DYTN: variants seen among roughly 807,000 people sequenced by gnomAD.
DYTN encodes dystrotelin.
DYTN carries 75 observed loss-of-function variants against 69.6 expected under a neutral mutation model. That is an observed-to-expected ratio of 1.08 (90% CI 0.89 to 1.31). The LOEUF (loss-of-function observed/expected upper bound fraction) is 1.31. DYTN is among the 50% of genes most tolerant of loss of function. The pLI is 0.00. For missense variants in DYTN, 726 were observed against 688.4 expected, an observed-to-expected ratio of 1.05 and a Z score of -0.61; for synonymous variants, 252 against 249.1, an observed-to-expected ratio of 1.01 and a Z score of -0.11.
At chr2:206,701,862 A>G (rs1699980806) in intron 5 of DYTN, among the ~76,000 whole-genome samples, 1 of 152,210 alleles carries the variant, frequency 6.6e-6, no homozygotes, top group Admixed American at 6.5e-5. Flanking sequence ...ATCTTTATGC[A>G]GTGTATATCT....
chr2:206,669,471 C>T (rs1346695971), intron 9 of DYTN, among the ~76,000 whole-genome samples: 1 of 152,070 alleles, frequency 6.6e-6, no homozygotes, highest in Non-Finnish European at 1.5e-5. Context: ...AAAGATGGAG[C>T]TTCATGTTTT....
intron 5 of DYTN, among the ~76,000 whole-genome samples, chr2:206,702,115 C>T (rs1200837761): frequency 2.0e-5 from 3 of 152,354 alleles, no homozygotes; most frequent in Admixed American, 6.5e-5. Flanking sequence ...TGCCACCACA[C>T]TCAGTGGTTT....
At chr2:206,677,862 C>T (rs1283309081) in intron 9 of DYTN, among the ~76,000 whole-genome samples, 1 of 151,998 alleles carries the variant, frequency 6.6e-6, no homozygotes, top group Non-Finnish European at 1.5e-5. Flanking sequence ...GTGATGCGGG[C>T]ACCTGGAATC....
chr2:206,685,335 A>T (rs1476563134), intron 9 of DYTN, among the ~76,000 whole-genome samples: 1 of 151,046 alleles, frequency 6.6e-6, no homozygotes, highest in African/African-American at 2.4e-5. Context: ...ATAATTTTTA[A>T]TTTTTTCTGT....
chr2:206,662,965 T>C lies in DYTN; in HGVS notation c.1571A>G (p.Glu524Gly). 6.2e-7 allele frequency: 1 copy of C among 1,613,860 alleles called. No individual in the cohort carries two copies. Among genetic ancestry groups the C allele is most frequent in the Non-Finnish European group, 8.5e-7 (1 of 1,179,860 alleles). The change falls in exon 11 of 12, where the codon GAA becomes GGA. Residue 524 changes from glutamate (E) to glycine (G), a missense_variant. By Grantham distance (98) the Glu-to-Gly change is moderately conservative. Coordinates refer to ENST00000452335, the MANE Select transcript of DYTN (RefSeq NM_001093730.1). ...TGACAATAGTTCTTGCAGTTCCTCT[T>C]CCTCCAGCTCATCCTTTCTCTCCTT... ...NIKERKDELEEEELQELLSKL... is the reference protein window; with the variant it reads ...NIKERKDELEGEELQELLSKL...
chr2:206,675,773 A>G (rs1235325323), intron 9 of DYTN, among the ~76,000 whole-genome samples: 2 of 152,214 alleles, frequency 1.3e-5, no homozygotes, highest in Non-Finnish European at 2.9e-5. Context: ...TGGGCAAGGG[A>G]TATGAACAGA....
At position 206,675,113 on chromosome 2, in the gene DYTN, A is replaced by ATGTGTGTGTGTG. The variant is rs879629081; in HGVS notation, c.981-9085_981-9084insCACACACACACA. On this transcript the variant is annotated intron_variant, in intron 9 of 11. Coordinates refer to ENST00000452335, the MANE Select transcript of DYTN (RefSeq NM_001093730.1). ...ATTGGAGGGGAAAAAACATATATATATATGTGTGTGTGTGTGTGTGTGTGT... is the reference window on the plus strand; with the variant it reads ...ATTGGAGGGGAAAAAACATATATATATGTGTGTGTGTGTATGTGTGTGTGTGTGTGTGTGTGT... Among the ~76,000 whole-genome samples, 139 of 122,654 alleles carry ATGTGTGTGTGTG rather than the reference A, an allele frequency of 1.1e-3. 2 individuals are homozygous for ATGTGTGTGTGTG. Among genetic ancestry groups the ATGTGTGTGTGTG allele is most frequent in the African/African-American group, 4.1e-3 (130 of 31,804 alleles). The allele number at this position is 122,654 out of a possible 152,430, so 80.5% of individuals were successfully genotyped here.
intron 3 of DYTN, 44 bp downstream of exon 3, chr2:206,707,258 T>G: frequency 1.3e-6 from 2 of 1,581,308 alleles, no homozygotes; most frequent in Non-Finnish European, 1.7e-6. Flanking sequence ...CACTGGAAAC[T>G]AAACTTTGCC....
At chr2:206,712,741 A>T (rs749112440) in intron 1 of DYTN, among the ~76,000 whole-genome samples, 2 of 152,208 alleles carry the variant, frequency 1.3e-5, no homozygotes, top group South Asian at 4.1e-4. Context: ...ATGAAATTCC[A>T]ATAGTGTCAA....
rs1241763469 is a variant in DYTN at position 206,663,079 on chromosome 2, C to A, written c.1457G>T (p.Gly486Val). 6.2e-7 allele frequency: 1 copy of A among 1,613,776 alleles called. No homozygotes were observed. The highest frequency in any genetic ancestry group is 8.5e-7 in the Non-Finnish European group (1 of 1,179,890). ...VISALPSYQEGLKQDIPKMVP... is the reference protein window; with the variant it reads ...VISALPSYQEVLKQDIPKMVP... ...CATTTTGGGGATGTCCTGCTTCAGT[C>A]CCTCCTGATAACTGGGTAGGGCACT... The change falls in exon 11 of 12, where the codon GGA becomes GTA. Residue 486 changes from glycine (G) to valine (V), a missense_variant. By Grantham distance (109) the Gly-to-Val change is moderately radical (BLOSUM62 -3). Transcript: ENST00000452335.
chr2:206,703,685 T>A (rs540516035), intron 5 of DYTN, among the ~76,000 whole-genome samples: 1 of 152,166 alleles, frequency 6.6e-6, no homozygotes, highest in African/African-American at 2.4e-5. Flanking sequence ...GTCCTAGAGA[T>A]TTTTATTATC....
chr2:206,674,416 C>A (rs1699660604), intron 9 of DYTN, among the ~76,000 whole-genome samples: 1 of 152,038 alleles, frequency 6.6e-6, no homozygotes, highest in Non-Finnish European at 1.5e-5. Flanking sequence ...CATGAAGAGA[C>A]TATTAAGTTT....
chr2:206,660,033 G>A (rs1296561442), intron 11 of DYTN, among the ~76,000 whole-genome samples: 2 of 134,486 alleles, frequency 1.5e-5, no homozygotes, highest in Non-Finnish European at 3.3e-5. Context: ...AAAAAAAGAT[G>A]TGTACCATTC....
chr2:206,673,614 G>T (rs1480997025), intron 9 of DYTN, among the ~76,000 whole-genome samples: 1 of 152,160 alleles, frequency 6.6e-6, no homozygotes, highest in Non-Finnish European at 1.5e-5. Context: ...GCAAGTTAAG[G>T]CCCTCTGGGC....
chr2:206,690,181 A>T (rs1574597398), intron 9 of DYTN, among the ~76,000 whole-genome samples: 1 of 152,098 alleles, frequency 6.6e-6, no homozygotes, highest in African/African-American at 2.4e-5. Context: ...TTGAGCAAAG[A>T]CCTCGGCAGG....
intron 9 of DYTN, among the ~76,000 whole-genome samples, chr2:206,675,953 G>A (rs1407798967): frequency 1.3e-5 from 2 of 152,186 alleles, no homozygotes; most frequent in Admixed American, 1.3e-4. Context: ...AGGTTGTGGA[G>A]AAATAGGAAT....
chr2:206,710,510 G>A lies in DYTN; in HGVS notation c.94+14C>T, dbSNP rs780168828. 4 of 1,601,640 alleles carry A rather than the reference G, an allele frequency of 2.5e-6. No homozygotes were observed. Among genetic ancestry groups the A allele is most frequent in the Non-Finnish European group, 3.4e-6 (4 of 1,174,894 alleles). ...TCAGATTATTTCAAATATTTCAGGA[G>A]AGCCTATACTTACACTGGCACAGAG... On this transcript the variant is annotated intron_variant, in intron 2 of 11. Transcript: ENST00000452335.
rs1218551428 is a variant in DYTN, at chr2:206,665,734, G to A, written c.1140+136C>T. 8 of 981,064 alleles carry A rather than the reference G, an allele frequency of 8.2e-6. No individual in the cohort carries two copies. In the South Asian group the frequency reaches 1.5e-4, roughly 18 times the overall value. The allele number at this position is 981,064 out of a possible 1,614,324, so 60.8% of individuals were successfully genotyped here. ...TAGGATATAGCCTGGATGAGGAAAT[G>A]GGAGGTCAGGGTACGGGGAGAAGAG... On this transcript the variant is annotated intron_variant, in intron 10 of 11. Coordinates refer to ENST00000452335, the MANE Select transcript of DYTN (RefSeq NM_001093730.1).
chr2:206,712,817 G>A (rs1027008682), intron 1 of DYTN, among the ~76,000 whole-genome samples: 8 of 152,318 alleles, frequency 5.3e-5, no homozygotes, highest in Admixed American at 3.9e-4. Flanking sequence ...GAGCACCGTC[G>A]CCTTCCCCAG....
Sources: allele counts gnomAD v4.1 joint callset (sites outside exome capture counted in the v4.1 genomes callset), GRCh38; gene constraint gnomAD v4.1.1; transcripts MANE v1.5; gene names NCBI Gene and HGNC (gene_info 2026-07-23, HGNC 2026-07-21).